Variants in RAB31 observed in about 807,000 individuals in gnomAD.
RAB31 encodes RAB31, member RAS oncogene family.
A neutral mutation model predicts 25.6 loss-of-function variants in RAB31; 21 were observed. The ratio of observed to expected loss-of-function variants is 0.82; its 90% CI spans 0.58 to 1.18. The LOEUF is 1.18. Ranked by LOEUF, RAB31 falls within the 50% of genes most tolerant of loss-of-function variation. The probability of loss-of-function intolerance (pLI) is 0.00; values close to 1 mark genes in which losing one functional copy is unlikely to be tolerated. For synonymous variants in RAB31, 87 were observed against 84.0 expected, an observed-to-expected ratio of 1.04 and a Z score of -0.20; for missense variants, 196 against 250.1, an observed-to-expected ratio of 0.78 and a Z score of 1.46.
At position 9,795,481 on chromosome 18, in the gene RAB31, A is replaced by G. The variant is rs142117792; in HGVS notation, c.201+3246A>G. Among the ~76,000 whole-genome samples, 597 of 152,362 alleles carry G rather than the reference A, an allele frequency of 3.9e-3. 7 individuals carry two copies. Among genetic ancestry groups the G allele is most frequent in the African/African-American group, 0.014 (584 of 41,588 alleles). On this transcript the variant is annotated intron_variant, in intron 3 of 6. Transcript: ENST00000578921. ...GAGTGGGAGAAAATCTTCACAATCC[A>G]TACATCTGACAAAGGACTAATATCC... is the stretch of plus-strand genomic sequence containing the variant.
intron 1 of RAB31, among the ~76,000 whole-genome samples, chr18:9,714,906 TACTG>T (rs1207440220): frequency 3.3e-5 from 5 of 152,282 alleles, no homozygotes; most frequent in African/African-American, 1.2e-4. Context: ...TGATGAGAAA[TACTG>T]ACTGTCATCC....
intron 2 of RAB31, among the ~76,000 whole-genome samples, chr18:9,782,262 G>A (rs2068409068): frequency 6.6e-6 from 1 of 152,194 alleles, no homozygotes; most frequent in African/African-American, 2.4e-5. Context: ...AACCCTGCTG[G>A]CCACCCCCAG....
Position 9,792,167 on chromosome 18 carries a change from AC to A in RAB31, c.135del (p.Thr47LeufsTer51), listed in dbSNP as rs759097975. On this transcript the variant is annotated frameshift_variant, in exon 3 of 7. Coordinates refer to ENST00000578921, the MANE Select transcript of RAB31 (RefSeq NM_006868.4). LOFTEE classifies it high-confidence loss of function. ...CTCTTTTTTCAGGGCATCTTTTATG[AC>A]CAAAACTGTGCCTTGTGGAAATGAA... ...ISPTIGASFM[T>X]KTVPCGNELH... is the part of the protein sequence containing the mutation. 1 of 1,611,236 alleles carries A rather than the reference AC, an allele frequency of 6.2e-7. No homozygotes were observed. Among genetic ancestry groups the A allele is most frequent in the Non-Finnish European group, 8.5e-7 (1 of 1,178,594 alleles).
intron 2 of RAB31, among the ~76,000 whole-genome samples, chr18:9,783,063 C>T (rs1344367764): frequency 6.6e-6 from 1 of 152,044 alleles, no homozygotes; most frequent in Middle Eastern, 3.2e-3. Context: ...CTCCTAGTGG[C>T]GAGAGATCAG....
At chr18:9,802,762 G>A (rs941293522) in intron 3 of RAB31, among the ~76,000 whole-genome samples, 5 of 152,232 alleles carry the variant, frequency 3.3e-5, no homozygotes, top group Non-Finnish European at 5.9e-5. Flanking sequence ...AAAGCTGTGC[G>A]GAATCGCTGG....
chr18:9,723,405 A>G (rs913024889), intron 1 of RAB31, among the ~76,000 whole-genome samples: 1 of 152,246 alleles, frequency 6.6e-6, no homozygotes, highest in Non-Finnish European at 1.5e-5. Context: ...AAGATCTTCC[A>G]AAACAATTCA....
chr18:9,804,458 G>T (rs1385723982), intron 3 of RAB31, among the ~76,000 whole-genome samples: 1 of 152,160 alleles, frequency 6.6e-6, no homozygotes, highest in Non-Finnish European at 1.5e-5. Context: ...ACACAGAGCC[G>T]CTGAGACAGG....
At chr18:9,721,299 T>C (rs1345393252) in intron 1 of RAB31, among the ~76,000 whole-genome samples, 1 of 152,130 alleles carries the variant, frequency 6.6e-6, no homozygotes, top group African/African-American at 2.4e-5. Flanking sequence ...AAATAACCGA[T>C]GTAGAGTTAG....
chr18:9,807,698 G>T (rs933648169), intron 3 of RAB31, among the ~76,000 whole-genome samples: 1 of 152,052 alleles, frequency 6.6e-6, no homozygotes, highest in African/African-American at 2.4e-5. Flanking sequence ...ATCCAGCGGG[G>T]TGCAGTGGCT....
chr18:9,710,951 G>C (rs1329492348), intron 1 of RAB31, among the ~76,000 whole-genome samples: 1 of 148,784 alleles, frequency 6.7e-6, no homozygotes, highest in Non-Finnish European at 1.5e-5. Flanking sequence ...GTAAGTTTCA[G>C]TTTTATTGAA....
intron 1 of RAB31, among the ~76,000 whole-genome samples, chr18:9,734,018 C>T (rs1461781048): frequency 1.4e-5 from 2 of 147,392 alleles, no homozygotes; most frequent in Non-Finnish European, 3.0e-5. Context: ...AAAATGTGTT[C>T]TGTTACATGG....
At chr18:9,718,164 T>C (rs764111104) in intron 1 of RAB31, among the ~76,000 whole-genome samples, 56 of 152,316 alleles carry the variant, frequency 3.7e-4, no homozygotes, top group South Asian at 1.4e-3. Context: ...CCCAAAGTGC[T>C]GGGATTAGAA....
Position 9,773,981 on chromosome 18 carries a change from G to A in RAB31, c.40-1297G>A, listed in dbSNP as rs148697618. ...TAGCCATATTTTAAATTTCTAAGAG[G>A]TTGGTTGTATTCTCAACGATCTTTT... is the stretch of plus-strand genomic sequence containing the variant. On this transcript the variant is annotated intron_variant, in intron 1 of 6. Coordinates refer to ENST00000578921, the MANE Select transcript of RAB31 (RefSeq NM_006868.4). Among the ~76,000 whole-genome samples, 14 of 152,188 alleles carry A rather than the reference G, an allele frequency of 9.2e-5. No homozygotes were observed. The East Asian group carries it at 2.5e-3, about 27-fold the overall frequency.
At chr18:9,765,101 C>A (rs117864811) in intron 1 of RAB31, among the ~76,000 whole-genome samples, 1 of 152,058 alleles carries the variant, frequency 6.6e-6, no homozygotes, top group East Asian at 1.9e-4. Flanking sequence ...TACAGGCTCT[C>A]GCCACCACGC....
intron 1 of RAB31, among the ~76,000 whole-genome samples, chr18:9,717,242 G>A (rs1287728600): frequency 1.3e-5 from 2 of 152,092 alleles, no homozygotes; most frequent in East Asian, 3.9e-4. Flanking sequence ...GTTTTTCACT[G>A]TGGGATCTTT....
intron 1 of RAB31, among the ~76,000 whole-genome samples, chr18:9,714,337 T>A (rs1330171735): frequency 1.3e-5 from 2 of 152,220 alleles, no homozygotes; most frequent in African/African-American, 4.8e-5. Context: ...ATGAGGAGCA[T>A]GCAACTTAGA....
intron 5 of RAB31, among the ~76,000 whole-genome samples, chr18:9,826,758 G>A (rs534681640): frequency 1.2e-4 from 18 of 152,336 alleles, no homozygotes; most frequent in African/African-American, 4.3e-4. Context: ...TTTGGCTTGG[G>A]TAAGGGGTTA....
chr18:9,832,510 C>T (rs929044556), intron 5 of RAB31, among the ~76,000 whole-genome samples: 8 of 152,310 alleles, frequency 5.3e-5, no homozygotes, highest in East Asian at 1.9e-4. Context: ...AATTACGAGA[C>T]GGAAGCAACG....
intron 1 of RAB31, among the ~76,000 whole-genome samples, chr18:9,736,784 T>C (rs1455316261): frequency 6.6e-6 from 1 of 152,206 alleles, no homozygotes; most frequent in African/African-American, 2.4e-5. Flanking sequence ...AACTTGGCTT[T>C]GTAAATTTTG....
Sources: gnomAD v4.1 joint callset for allele counts (sites outside exome capture counted in the v4.1 genomes callset) on GRCh38, gnomAD v4.1.1 for gene constraint, MANE v1.5 for transcripts, NCBI Gene and HGNC (gene_info 2026-07-23, HGNC 2026-07-21) for gene names.